The following REV3L variants were observed in gnomAD, a reference collection of about 807,000 sequenced individuals.
REV3L encodes the protein DNA polymerase zeta catalytic subunit.
Under a neutral mutation model 299.4 loss-of-function variants are expected in REV3L, and 69 were observed. The ratio of observed to expected loss-of-function variants is 0.23; its 90% confidence interval spans 0.19 to 0.28. REV3L has a LOEUF of 0.28. Ranked by LOEUF, REV3L falls within the 10% of genes least tolerant of loss-of-function variation. REV3L has a pLI of 1.00. For synonymous variants in REV3L, 1,238 were observed against 1,271.4 expected (o/e 0.97, Z 0.56); for missense variants, 3,128 against 3,693.8 (o/e 0.85, Z 3.97).
intron 1 of REV3L, among the ~76,000 whole-genome samples, chr6:111,445,024 G>A (rs892945287): frequency 2.0e-5 from 3 of 152,190 alleles, no homozygotes; most frequent in African/African-American, 7.2e-5. Context: ...TCACCTCATC[G>A]TTTTCAAGAA....
In REV3L at chr6:111,437,791, C is replaced by G. The variant is rs932264318; in HGVS notation, c.140-21319G>C. Among the ~76,000 whole-genome samples the G allele has an allele frequency of 3.3e-5, 5 of 151,950 alleles. No homozygotes were observed. In the South Asian group the frequency reaches 1.0e-3, roughly 31 times the overall value. On this transcript the variant is annotated intron_variant, in intron 1 of 31. Coordinates refer to ENST00000368802, the MANE Select transcript of REV3L (RefSeq NM_001372078.1). Reference sequence around the variant, plus strand: ...GCTTATGGTTGCACAACTCTGTGAACAAAGATCACTGAATTGTATAAATAG... The same window carrying G: ...GCTTATGGTTGCACAACTCTGTGAAGAAAGATCACTGAATTGTATAAATAG...
In REV3L at chr6:111,475,052, A is replaced by C. The variant is rs1034069747; in HGVS notation, c.139+7698T>G. ...GGATTTTATTATAATAAAGAATTTTATTCTAATACATAGGCATATATAGCA... is the reference window on the plus strand; with the variant it reads ...GGATTTTATTATAATAAAGAATTTTCTTCTAATACATAGGCATATATAGCA... On this transcript the variant is annotated intron_variant, in intron 1 of 31. Coordinates refer to ENST00000368802, the MANE Select transcript of REV3L (RefSeq NM_001372078.1). Among the ~76,000 whole-genome samples the C allele has an allele frequency of 1.2e-3, 185 of 152,026 alleles. 1 individual carries two copies. Among genetic ancestry groups the C allele is most frequent in the African/African-American group, 3.9e-3 (162 of 41,444 alleles).
chr6:111,460,609 G>A (rs188707885), intron 1 of REV3L, among the ~76,000 whole-genome samples: 1 of 152,006 alleles, frequency 6.6e-6, no homozygotes, highest in East Asian at 1.9e-4. Flanking sequence ...AGCAGACTTG[G>A]CCTATAAGAA....
At chr6:111,381,803 T>C (rs558635464) in intron 9 of REV3L, among the ~76,000 whole-genome samples, 1 of 152,266 alleles carries the variant, frequency 6.6e-6, no homozygotes, top group Non-Finnish European at 1.5e-5. Flanking sequence ...TTCTCTATGG[T>C]TCAAAAACAA....
chr6:111,354,505 A>AT (rs1777897495), intron 18 of REV3L, among the ~76,000 whole-genome samples: 1 of 152,002 alleles, frequency 6.6e-6, no homozygotes, highest in African/African-American at 2.4e-5. Context: ...TGTTTCAGGC[A>AT]TTTTTTCAGA....
intron 1 of REV3L, among the ~76,000 whole-genome samples, chr6:111,474,086 A>T (rs1792604873): frequency 6.6e-6 from 1 of 152,224 alleles, no homozygotes; most frequent in South Asian, 2.1e-4. Context: ...CTAATTACAG[A>T]AGAAAAAATG....
At chr6:111,358,589 G>A (rs558395131) in intron 17 of REV3L, among the ~76,000 whole-genome samples, 1 of 152,228 alleles carries the variant, frequency 6.6e-6, no homozygotes, top group East Asian at 1.9e-4. Context: ...AGCCTCCCAG[G>A]TAGCTGGGAC....
chr6:111,475,404 CTG>C (rs1171468239), intron 1 of REV3L, among the ~76,000 whole-genome samples: 16 of 152,248 alleles, frequency 1.1e-4, no homozygotes, highest in Admixed American at 6.5e-4. Context: ...CGAAATAAAT[CTG>C]TGTTTTAATT....
intron 1 of REV3L, among the ~76,000 whole-genome samples, chr6:111,464,424 A>G (rs750180059): frequency 3.9e-5 from 6 of 152,230 alleles, no homozygotes; most frequent in Admixed American, 2.0e-4. Flanking sequence ...TGGGACCTAA[A>G]CAAACATTCA....
At chr6:111,320,557 C>T (rs1774050113) in intron 26 of REV3L, among the ~76,000 whole-genome samples, 1 of 152,178 alleles carries the variant, frequency 6.6e-6, no homozygotes, top group African/African-American at 2.4e-5. Flanking sequence ...AACTATGGTA[C>T]TGACTTTTTT....
At chr6:111,341,754 G>GC (rs1343825655) in intron 21 of REV3L, among the ~76,000 whole-genome samples, 1 of 120,288 alleles carries the variant, frequency 8.3e-6, no homozygotes, top group Admixed American at 8.3e-5. Flanking sequence ...AGTGGCAGGA[G>GC]TTGGGGGGGG....
chr6:111,456,236 C>A (rs547180484), intron 1 of REV3L, among the ~76,000 whole-genome samples: 1 of 151,822 alleles, frequency 6.6e-6, no homozygotes, highest in Non-Finnish European at 1.5e-5. Context: ...AGAGGAAAAA[C>A]AATTCCTTGT....
chr6:111,428,790 T>C (rs1786494774), intron 1 of REV3L, among the ~76,000 whole-genome samples: 1 of 152,088 alleles, frequency 6.6e-6, no homozygotes, highest in South Asian at 2.1e-4. Flanking sequence ...GGGCTCTTGT[T>C]AAGCAAGGGA....
chr6:111,482,517 G>C (rs990155599), intron 1 of REV3L, among the ~76,000 whole-genome samples: 2 of 151,530 alleles, frequency 1.3e-5, no homozygotes, highest in African/African-American at 4.8e-5. Context: ...CGCGGCGCTC[G>C]CCACCTCCCT....
intron 20 of REV3L, among the ~76,000 whole-genome samples, chr6:111,344,280 A>G (rs1353720568): frequency 6.6e-6 from 1 of 152,240 alleles, no homozygotes; most frequent in Non-Finnish European, 1.5e-5. Flanking sequence ...ATGAGATTCA[A>G]CTTGGTCATA....
chr6:111,478,402 T>C (rs1227273242), intron 1 of REV3L, among the ~76,000 whole-genome samples: 2 of 152,196 alleles, frequency 1.3e-5, no homozygotes, highest in Non-Finnish European at 2.9e-5. Context: ...TTAAAAAAAG[T>C]GACCAATTTG....
chr6:111,452,135 G>C (rs923137614), intron 1 of REV3L, among the ~76,000 whole-genome samples: 1 of 150,792 alleles, frequency 6.6e-6, no homozygotes, highest in African/African-American at 2.5e-5. Flanking sequence ...TTAGGGAAAT[G>C]AAAATTAAAA....
intron 1 of REV3L, among the ~76,000 whole-genome samples, chr6:111,426,160 A>G (rs1429721494): frequency 1.3e-5 from 2 of 152,138 alleles, no homozygotes; most frequent in Non-Finnish European, 2.9e-5. Context: ...CAGAACCCTT[A>G]CCCTGTAGGG....
Position 111,483,012 on chromosome 6 carries a change from A to C in REV3L, c.-124T>G, listed in dbSNP as rs1231709795. 63 of 1,131,168 alleles carry C rather than the reference A, an allele frequency of 5.6e-5. No homozygotes were observed. The highest frequency in any genetic ancestry group is 3.0e-4 in the Middle Eastern group (1 of 3,370). The allele number at this position is 1,131,168 out of a possible 1,614,324, so 70.1% of individuals were successfully genotyped here. On this transcript the variant is annotated 5_prime_UTR_variant, in exon 1 of 32. Coordinates refer to ENST00000368802, the MANE Select transcript of REV3L (RefSeq NM_001372078.1). Reference sequence around the variant, plus strand: ...CTTCTCGGCACGGCCCCCTCCCCTCACACAGAGGCACCTCGAGGAGCGGCG... The same window carrying C: ...CTTCTCGGCACGGCCCCCTCCCCTCCCACAGAGGCACCTCGAGGAGCGGCG...
Sources: allele counts gnomAD v4.1 joint callset (sites outside exome capture counted in the v4.1 genomes callset), GRCh38; gene constraint gnomAD v4.1.1; transcripts MANE v1.5; gene names NCBI Gene and HGNC (gene_info 2026-07-23, HGNC 2026-07-21).